Variants in EYA1 observed in about 807,000 individuals in gnomAD.
The protein encoded by EYA1 is EYA transcriptional coactivator and phosphatase 1.
A neutral mutation model predicts 82.0 loss-of-function variants in EYA1; 16 were observed. The ratio of observed to expected loss-of-function variants is 0.20; its 90% CI spans 0.13 to 0.30. The LOEUF is 0.30. EYA1 is among the 10% of genes least tolerant of loss of function. The probability of loss-of-function intolerance (pLI) is 1.00; values close to 1 mark genes in which losing one functional copy is unlikely to be tolerated. For synonymous variants in EYA1, 261 were observed against 264.4 expected (o/e 0.99, Z 0.12); for missense variants, 633 against 730.7 (o/e 0.87, Z 1.54).
At chr8:71,468,069 G>T (rs933755902) in intron 2 of EYA1, among the ~76,000 whole-genome samples, 1 of 152,006 alleles carries the variant, frequency 6.6e-6, no homozygotes, top group Non-Finnish European at 1.5e-5. Context: ...TACTATGTAG[G>T]TCTCCACATT....
chr8:71,436,166 A>G (rs1165723838), intron 2 of EYA1, among the ~76,000 whole-genome samples: 1 of 152,120 alleles, frequency 6.6e-6, no homozygotes, highest in Non-Finnish European at 1.5e-5. Flanking sequence ...AAATGATATG[A>G]CATAATGTAC....
intron 2 of EYA1, among the ~76,000 whole-genome samples, chr8:71,380,149 T>A (rs1828613516): frequency 6.6e-6 from 1 of 152,230 alleles, no homozygotes; most frequent in East Asian, 1.9e-4. Context: ...AGCCTCTTTT[T>A]TCTGTCCCCT....
At chr8:71,247,393 C>T (rs567583848) in intron 11 of EYA1, among the ~76,000 whole-genome samples, 2 of 152,092 alleles carry the variant, frequency 1.3e-5, no homozygotes, top group African/African-American at 4.8e-5. Flanking sequence ...TATTGCCAAA[C>T]GTCAGGGGTT....
chr8:71,389,263 C>CT (rs1415413857), intron 2 of EYA1, among the ~76,000 whole-genome samples: 1 of 151,652 alleles, frequency 6.6e-6, no homozygotes, highest in Non-Finnish European at 1.5e-5. Context: ...ATTTGTTTAT[C>CT]TTTTTTAAAG....
rs59160314 is a variant in EYA1 at position 71,457,712 on chromosome 8, G to T, written c.33+78032C>A. 1.7e-3 allele frequency among the ~76,000 whole-genome samples: 258 copies of T among 152,272 alleles called. 2 individuals carry two copies. The highest frequency in any genetic ancestry group is 6.0e-3 in the African/African-American group (249 of 41,542). On this transcript the variant is annotated intron_variant, in intron 2 of 18. Coordinates refer to the EYA1 transcript ENST00000643681. ...CACTCATAGGTGGGAATTGAACAAT[G>T]AGAACACTTGGACACAGGAAGGGGA...
intron 2 of EYA1, among the ~76,000 whole-genome samples, chr8:71,474,752 T>C (rs773814237): frequency 1.3e-5 from 2 of 152,058 alleles, no homozygotes; most frequent in Non-Finnish European, 2.9e-5. Flanking sequence ...AAAAAGAAAA[T>C]CAAATGTACA....
chr8:71,394,892 A>T (rs1829498245), intron 2 of EYA1, among the ~76,000 whole-genome samples: 1 of 152,056 alleles, frequency 6.6e-6, no homozygotes, highest in Non-Finnish European at 1.5e-5. Flanking sequence ...CAGTATGGCC[A>T]TTTTCACGAT....
At chr8:71,391,219 G>A (rs1410550943) in intron 2 of EYA1, among the ~76,000 whole-genome samples, 1 of 152,150 alleles carries the variant, frequency 6.6e-6, no homozygotes, top group East Asian at 1.9e-4. Context: ...CTGACCTCAA[G>A]TGATCTGCCC....
At chr8:71,341,916 G>A (rs1825174685) in intron 3 of EYA1, among the ~76,000 whole-genome samples, 1 of 152,170 alleles carries the variant, frequency 6.6e-6, no homozygotes, top group African/African-American at 2.4e-5. Context: ...ATAGCAGCAT[G>A]TGCAATTACT....
rs1809071582 is a variant in EYA1, at chr8:71,215,508, C to T, written c.1476G>A (p.Arg492=). ...TTACTAAAATATTCACACAGTTTGT[C>T]CTATGAGAACAAAAAGAAAACAAAG... The part of the protein sequence containing the change: ...ALKALSLIHS[R]TNCVNILVTT... The change falls in exon 16 of 18, where the codon CGG becomes CGA. Residue 492 remains arginine, a splice_region_variant and synonymous_variant. Transcript: ENST00000340726. 6.2e-7 allele frequency: 1 copy of T among 1,613,472 alleles called. No homozygotes were observed. Among genetic ancestry groups the T allele is most frequent in the Non-Finnish European group, 8.5e-7 (1 of 1,179,476 alleles).
intron 2 of EYA1, among the ~76,000 whole-genome samples, chr8:71,514,693 G>A (rs969982256): frequency 6.6e-6 from 1 of 152,044 alleles, no homozygotes; most frequent in Non-Finnish European, 1.5e-5. Context: ...CAGGAAAGAT[G>A]GGCCCCCATG....
chr8:71,438,997 T>C (rs973667701), intron 2 of EYA1, among the ~76,000 whole-genome samples: 1 of 151,910 alleles, frequency 6.6e-6, no homozygotes, highest in East Asian at 1.9e-4. Context: ...ACACCAGAAC[T>C]TGAGCAGCCA....
chr8:71,274,227 C>T (rs138216607), intron 9 of EYA1, among the ~76,000 whole-genome samples: 48 of 152,246 alleles, frequency 3.2e-4, no homozygotes, highest in East Asian at 3.9e-4. Flanking sequence ...CACCCACACC[C>T]GTACCTTGCA....
chr8:71,345,937 T>G (rs1055842014), intron 3 of EYA1, among the ~76,000 whole-genome samples: 4 of 152,256 alleles, frequency 2.6e-5, no homozygotes, highest in South Asian at 2.1e-4. Context: ...CATCATCATC[T>G]TTGGTGTCTA....
At chr8:71,344,097 T>C (rs1471338350) in intron 3 of EYA1, among the ~76,000 whole-genome samples, 1 of 152,180 alleles carries the variant, frequency 6.6e-6, no homozygotes, top group Non-Finnish European at 1.5e-5. Flanking sequence ...TCAGCATTCA[T>C]ATCATTAACT....
At chr8:71,457,385 A>C (rs1459754428) in intron 2 of EYA1, among the ~76,000 whole-genome samples, 1 of 152,168 alleles carries the variant, frequency 6.6e-6, no homozygotes, top group African/African-American at 2.4e-5. Flanking sequence ...TAGAAATACC[A>C]TTTGACCCAG....
At chr8:71,248,254 A>C (rs1045292749) in intron 11 of EYA1, among the ~76,000 whole-genome samples, 2 of 152,220 alleles carry the variant, frequency 1.3e-5, no homozygotes, top group African/African-American at 2.4e-5. Context: ...CATTTACTAC[A>C]CCAACAGAAC....
chr8:71,302,879 A>C (rs553351864), intron 7 of EYA1, among the ~76,000 whole-genome samples: 1 of 141,978 alleles, frequency 7.0e-6, no homozygotes, highest in South Asian at 2.3e-4. Context: ...CCTGCTAAAA[A>C]AAGTAACTTT....
intron 2 of EYA1, among the ~76,000 whole-genome samples, chr8:71,482,698 G>A (rs1810257346): frequency 6.6e-6 from 1 of 152,268 alleles, no homozygotes; most frequent in Non-Finnish European, 1.5e-5. Context: ...ACACAGCAAT[G>A]AAAAGAATGA....
Sources: allele counts gnomAD v4.1 joint callset (sites outside exome capture counted in the v4.1 genomes callset), GRCh38; gene constraint gnomAD v4.1.1; transcripts MANE v1.5; gene names NCBI Gene and HGNC (gene_info 2026-07-23, HGNC 2026-07-21).